Variants in CEACAM7 observed in about 807,000 individuals in gnomAD.
CEACAM7 encodes the protein cell adhesion molecule CEACAM7.
In CEACAM7, 24 loss-of-function variants were observed where a neutral mutation model predicts 25.7. That is an observed-to-expected ratio of 0.93 (90% CI 0.68 to 1.31). The LOEUF is 1.31. Among genes scored for constraint, CEACAM7 ranks in the 40% most tolerant of loss-of-function variants. The pLI is 0.00. For synonymous variants in CEACAM7, 144 were observed against 129.4 expected (o/e 1.11, Z -0.77); for missense variants, 324 against 330.1 (o/e 0.98, Z 0.14).
chr19:41,679,102 T>C (rs2072146541), intron 3 of CEACAM7, among the ~76,000 whole-genome samples: 1 of 151,922 alleles, frequency 6.6e-6, no homozygotes, highest in Non-Finnish European at 1.5e-5. Flanking sequence ...TTCAACAAAA[T>C]TCAAAACCTT....
chr19:41,684,232 G>A (rs1250852772), intron 2 of CEACAM7, among the ~76,000 whole-genome samples, 169 bp from the exon 3 acceptor site: 2 of 152,228 alleles, frequency 1.3e-5, no homozygotes, highest in African/African-American at 2.4e-5. Context: ...TGAGAGCTCA[G>A]ACACTGTGAG....
intron 3 of CEACAM7, among the ~76,000 whole-genome samples, chr19:41,681,978 C>G (rs2072180299): frequency 6.6e-6 from 1 of 152,142 alleles, no homozygotes; most frequent in South Asian, 2.1e-4. Flanking sequence ...CAGGGTCTCA[C>G]TCTGTCACCG....
At chr19:41,676,191 C>T (rs11672173) in intron 4 of CEACAM7, among the ~76,000 whole-genome samples, 37,442 of 152,080 alleles carry the variant, frequency 0.25, 5,244 homozygotes, top group South Asian at 0.39. Flanking sequence ...TAAATAATAA[C>T]GCCTTGGTCC....
intron 3 of CEACAM7, 98 bp from the exon 4 acceptor site, chr19:41,677,601 C>A: frequency 1.3e-6 from 1 of 787,872 alleles, no homozygotes; most frequent in Non-Finnish European, 2.1e-6. Flanking sequence ...TCTATTTGTT[C>A]CTTCAAGGAA....
At chr19:41,683,068 T>C (rs1555810828) in intron 3 of CEACAM7, among the ~76,000 whole-genome samples, 1 of 151,898 alleles carries the variant, frequency 6.6e-6, no homozygotes, top group African/African-American at 2.4e-5. Flanking sequence ...AAAAGAAAAG[T>C]TTTTTCAGCT....
intron 4 of CEACAM7, 88 bp downstream of exon 4, chr19:41,677,288 G>A: frequency 1.5e-6 from 1 of 681,316 alleles, no homozygotes; most frequent in East Asian, 2.6e-5. Flanking sequence ...TCTAGTCCCA[G>A]ATACAGGTGA....
intron 3 of CEACAM7, among the ~76,000 whole-genome samples, chr19:41,681,518 G>A (rs2072175605): frequency 6.6e-6 from 1 of 152,116 alleles, no homozygotes; most frequent in African/African-American, 2.4e-5. Flanking sequence ...CCAAAATGTG[G>A]AAACAGCTCA....
intron 3 of CEACAM7, among the ~76,000 whole-genome samples, chr19:41,678,365 A>ATGTATATG (rs2072138502): frequency 7.0e-6 from 1 of 143,870 alleles, no homozygotes; most frequent in Non-Finnish European, 1.5e-5. Flanking sequence ...GTATATGTAT[A>ATGTATATG]TGTGTGTATA....
At position 41,688,102 on chromosome 19, in the gene CEACAM7, C is replaced by T; in HGVS notation, c.64G>A (p.Ala22Thr). The change falls in exon 1 of 5, where the codon GCC becomes ACC. Residue 22 changes from alanine to threonine, a missense_variant and splice_region_variant. Ala to Thr is a moderately conservative substitution (Grantham distance 58). Transcript: ENST00000401731. ...CIPWQGLLLT[A>T]SLLTFWNLPN... is the part of the protein sequence containing the mutation. ...CACTCCCAGGAAGTCCTCCCCTCACCTGTGAGCAGGAGCCCCTGCCAGGGA... is the reference window on the plus strand; with the variant it reads ...CACTCCCAGGAAGTCCTCCCCTCACTTGTGAGCAGGAGCCCCTGCCAGGGA... The T allele has an allele frequency of 3.1e-6, 5 of 1,610,638 alleles. No individual in the cohort carries two copies. Among genetic ancestry groups the T allele is most frequent in the Non-Finnish European group, 4.2e-6 (5 of 1,178,072 alleles).
In CEACAM7 at chr19:41,688,173, G is replaced by A; in HGVS notation, c.-8C>T. 1.2e-6 allele frequency: 2 copies of A among 1,609,384 alleles called. No homozygotes were observed. The highest frequency in any genetic ancestry group is 1.7e-6 in the Non-Finnish European group (2 of 1,177,424). On this transcript the variant is annotated 5_prime_UTR_variant, in exon 1 of 5. Coordinates refer to ENST00000401731, the MANE Select transcript of CEACAM7 (RefSeq NM_001291485.2). ...GGCTGAAGGGGACCCCATGGTCTCT[G>A]CTGCCTGCTTGTCCTCTGTGGAGAA... is the stretch of plus-strand genomic sequence containing the variant.
chr19:41,686,944 G>A lies in CEACAM7; in HGVS notation c.342C>T (p.Thr114=). The A allele has an allele frequency of 6.2e-7, 1 of 1,604,540 alleles. No individual in the cohort carries two copies. Among genetic ancestry groups the A allele is most frequent in the Non-Finnish European group, 8.5e-7 (1 of 1,175,942 alleles). The change falls in exon 2 of 5, where the codon ACC becomes ACT. Residue 114 remains threonine (T), a synonymous_variant. Coordinates refer to ENST00000401731, the MANE Select transcript of CEACAM7 (RefSeq NM_001291485.2). ...GGGTATAGATTCCTGCGTCATTGTG[G>A]GTGACGTTCTGGATCAGCAGGGTTC... ...PNGTLLIQNV[T]HNDAGIYTLH...
At chr19:41,681,002 A>G (rs1297421569) in intron 3 of CEACAM7, among the ~76,000 whole-genome samples, 1 of 152,198 alleles carries the variant, frequency 6.6e-6, no homozygotes, top group African/African-American at 2.4e-5. Flanking sequence ...ATGGGAGAAA[A>G]TATTTGCAAA....
At chr19:41,676,193 C>T (rs1600426545) in intron 4 of CEACAM7, among the ~76,000 whole-genome samples, 1 of 152,184 alleles carries the variant, frequency 6.6e-6, no homozygotes, top group South Asian at 2.1e-4. Flanking sequence ...AATAATAACG[C>T]CTTGGTCCCA....
intron 3 of CEACAM7, among the ~76,000 whole-genome samples, chr19:41,680,378 C>G (rs1555810567): frequency 6.6e-6 from 1 of 151,970 alleles, no homozygotes; most frequent in Non-Finnish European, 1.5e-5. Context: ...GCAATCCCTA[C>G]CAGAATCCCA....
chr19:41,676,053 T>C (rs1374557371), intron 4 of CEACAM7, among the ~76,000 whole-genome samples: 3 of 152,212 alleles, frequency 2.0e-5, no homozygotes, highest in Admixed American at 2.0e-4. Context: ...CTTATGTATG[T>C]TGAAAAAGTT....
intron 4 of CEACAM7, among the ~76,000 whole-genome samples, chr19:41,676,849 A>T (rs1392267549): frequency 6.6e-6 from 1 of 152,208 alleles, no homozygotes; most frequent in South Asian, 2.1e-4. Context: ...AGGAAGACAG[A>T]TCTAATTAGG....
At chr19:41,687,774 GAGGTTGGTGGCT>G (rs1343816736) in intron 1 of CEACAM7, among the ~76,000 whole-genome samples, 1 of 151,306 alleles carries the variant, frequency 6.6e-6, no homozygotes. Flanking sequence ...TCCAATGCCT[GAGGTTGGTGGCT>G]AGGGACAATG....
At chr19:41,686,352 A>T (rs1193827771) in intron 2 of CEACAM7, among the ~76,000 whole-genome samples, 2 of 152,124 alleles carry the variant, frequency 1.3e-5, no homozygotes, top group African/African-American at 2.4e-5. Context: ...GCTGGTGACC[A>T]GCTCCATGAG....
At position 41,676,404 on chromosome 19, in the gene CEACAM7, A is replaced by C. The variant is rs2072114202; in HGVS notation, c.*36+972T>G. Among the ~76,000 whole-genome samples the C allele has an allele frequency of 2.0e-5, 3 of 152,282 alleles. No individual in the cohort carries two copies. The South Asian group carries it at 6.2e-4, about 32-fold the overall frequency. Reference sequence around the variant, plus strand: ...GAGACAGGGTCTTGCTCTGTGGCCCAAGTTGGAGTGCAGAGGCACAATCAT... The same window carrying C: ...GAGACAGGGTCTTGCTCTGTGGCCCCAGTTGGAGTGCAGAGGCACAATCAT... On this transcript the variant is annotated intron_variant, in intron 4 of 4. Coordinates refer to ENST00000401731, the MANE Select transcript of CEACAM7 (RefSeq NM_001291485.2).
Sources: allele counts gnomAD v4.1 joint callset (sites outside exome capture counted in the v4.1 genomes callset), GRCh38; gene constraint gnomAD v4.1.1; transcripts MANE v1.5; gene names NCBI Gene and HGNC (gene_info 2026-07-23, HGNC 2026-07-21).